The following C10orf53 variants were observed in gnomAD, a reference collection of about 807,000 sequenced individuals.
The protein encoded by C10orf53 is UPF0728 protein C10orf53.
A neutral mutation model predicts 9.4 loss-of-function variants in C10orf53; 8 were observed. The ratio of observed to expected loss-of-function variants is 0.85; its 90% CI spans 0.50 to 1.53. C10orf53 has a LOEUF of 1.53. C10orf53 is among the 40% of genes most tolerant of loss of function. The pLI is 0.00. For missense variants in C10orf53, 117 were observed against 117.8 expected (o/e 0.99, Z 0.03); for synonymous variants, 48 against 46.0 (o/e 1.04, Z -0.18).
intron 1 of C10orf53, among the ~76,000 whole-genome samples, chr10:49,688,281 C>G (rs1425019122): frequency 6.6e-6 from 1 of 152,070 alleles, no homozygotes; most frequent in African/African-American, 2.4e-5. Context: ...TCCTCTTTCC[C>G]TTACACTCCC....
In C10orf53 at chr10:49,696,948, T is replaced by A. The variant is rs866426905; in HGVS notation, c.*2346T>A. Among the ~76,000 whole-genome samples, 1 of 152,190 alleles carries A rather than the reference T, an allele frequency of 6.6e-6. No homozygotes were observed. Among genetic ancestry groups the A allele is most frequent in the Non-Finnish European group, 1.5e-5 (1 of 68,034 alleles). ...GGCTTTTGCCTGTAATCCCAGCACT[T>A]TGGGAATCCAAGGTGGGTGGATTTG... On this transcript the variant is annotated 3_prime_UTR_variant, in exon 3 of 3. Transcript: ENST00000374111.
At position 49,679,751 on chromosome 10, in the gene C10orf53, C is replaced by G; in HGVS notation, c.54C>G (p.Gly18=). ...ILRYGPYSAA[G]LPVEHHTFRL... The stretch of plus-strand genomic sequence containing the variant: ...GCTATGGGCCCTACAGCGCGGCAGG[C>G]CTACCGGTGGAGCACCACACCTTCC... Residue 18 remains glycine, a synonymous_variant, in exon 1 of 3, where the codon GGC becomes GGG. Transcript: ENST00000374111. 4 of 1,546,784 alleles carry G rather than the reference C, an allele frequency of 2.6e-6. No individual in the cohort carries two copies. Among genetic ancestry groups the G allele is most frequent in the Non-Finnish European group, 3.5e-6 (4 of 1,145,788 alleles).
chr10:49,684,372 A>C (rs1160472211), intron 1 of C10orf53, among the ~76,000 whole-genome samples: 1 of 152,218 alleles, frequency 6.6e-6, no homozygotes, highest in African/African-American at 2.4e-5. Context: ...ATTTTAAGAT[A>C]GGTTTTTCCA....
chr10:49,708,709 C>T (rs866442444), exon 3 of C10orf53: 1 of 1,525,758 alleles, frequency 6.6e-7, no homozygotes, highest in East Asian at 2.3e-5. Context: ...GATGCTGAGT[C>T]CCCCAAAACA....
intron 1 of C10orf53, among the ~76,000 whole-genome samples, chr10:49,690,090 G>A (rs947242224): frequency 1.3e-5 from 2 of 152,108 alleles, no homozygotes; most frequent in South Asian, 2.1e-4. Context: ...GTGAGCGGGT[G>A]GAAACACAGC....
intron 1 of C10orf53, among the ~76,000 whole-genome samples, chr10:49,683,705 C>G (rs1272840745): frequency 3.3e-5 from 5 of 151,966 alleles, no homozygotes; most frequent in African/African-American, 4.8e-5. Context: ...CAAAACCAGC[C>G]CTTTTTGTAG....
At chr10:49,689,059 G>A (rs769309644) in intron 1 of C10orf53, among the ~76,000 whole-genome samples, 3 of 152,198 alleles carry the variant, frequency 2.0e-5, no homozygotes, top group Non-Finnish European at 4.4e-5. Context: ...CCAGCCCAGA[G>A]CTGTGCCTGG....
chr10:49,704,594 A>G (rs1010360844), intron 2 of C10orf53, among the ~76,000 whole-genome samples: 1 of 152,070 alleles, frequency 6.6e-6, no homozygotes, highest in African/African-American at 2.4e-5. Flanking sequence ...TACCAAAAAA[A>G]TTAGCTAGGC....
intron 2 of C10orf53, among the ~76,000 whole-genome samples, chr10:49,706,806 T>G (rs1002228117): frequency 6.6e-6 from 1 of 152,236 alleles, no homozygotes; most frequent in African/African-American, 2.4e-5. Flanking sequence ...AAGGCACTGA[T>G]GCAGTGTTTA....
rs1006485192 is a variant in C10orf53 at position 49,703,028 on chromosome 10, C to T, written c.218-5333C>T. Among the ~76,000 whole-genome samples, 7 of 152,112 alleles carry T rather than the reference C, an allele frequency of 4.6e-5. No homozygotes were observed. In the South Asian group the frequency reaches 6.2e-4, roughly 13 times the overall value. On this transcript the variant is annotated intron_variant, in intron 2 of 2. Transcript: ENST00000374112. ...CCTACAAGGACAGTGTACCCCACCC[C>T]GCTCCCTCAAGGGGAGGGGGGTCGC...
chr10:49,679,770 A>G lies in C10orf53; in HGVS notation c.73A>G (p.Thr25Ala). ...SAAGLPVEHHTFRLQGLQAVL... is the reference protein window; with the variant it reads ...SAAGLPVEHHAFRLQGLQAVL... ...GGCAGGCCTACCGGTGGAGCACCAC[A>G]CCTTCCGCCTGCAGGGCCTGCAAGG... The change falls in exon 1 of 3, where the codon ACC (threonine) becomes GCC (alanine). Residue 25 changes from threonine to alanine, a missense_variant. Coordinates refer to ENST00000374111, the MANE Select transcript of C10orf53 (RefSeq NM_001042427.3). 1.3e-6 allele frequency: 2 copies of G among 1,543,342 alleles called. No individual in the cohort carries two copies. Among genetic ancestry groups the G allele is most frequent in the South Asian group, 2.4e-5 (2 of 83,400 alleles).
intron 1 of C10orf53, among the ~76,000 whole-genome samples, chr10:49,685,036 A>T (rs1379031353): frequency 6.6e-6 from 1 of 152,212 alleles, no homozygotes; most frequent in East Asian, 1.9e-4. Context: ...CCAAGACTGC[A>T]ACATAGAAAC....
At chr10:49,707,950 G>A (rs1358766169) in intron 2 of C10orf53, among the ~76,000 whole-genome samples, 1 of 151,610 alleles carries the variant, frequency 6.6e-6, no homozygotes, top group Non-Finnish European at 1.5e-5. Flanking sequence ...ACAAACATTA[G>A]TGCTTTATAA....
chr10:49,706,550 G>T (rs1590650463), intron 2 of C10orf53, among the ~76,000 whole-genome samples: 1 of 152,172 alleles, frequency 6.6e-6, no homozygotes, highest in East Asian at 1.9e-4. Context: ...TGGATTAGTG[G>T]TTGCACAGCA....
At position 49,694,926 on chromosome 10, in the gene C10orf53, A is replaced by G. The variant is rs1840620684; in HGVS notation, c.*324A>G. 1 of 1,092,826 alleles carries G rather than the reference A, an allele frequency of 9.2e-7. No homozygotes were observed. The highest frequency in any genetic ancestry group is 1.1e-6 in the Non-Finnish European group (1 of 898,220). 67.7% of individuals were successfully genotyped at this position (1,092,826 alleles called of 1,614,324 possible). The stretch of plus-strand genomic sequence containing the variant: ...AACAAGGTGCCATTCCTGACTAATA[A>G]CACATAGTTGCCAGAAGCATCTGAG... On this transcript the variant is annotated 3_prime_UTR_variant, in exon 3 of 3. Transcript: ENST00000374111.
chr10:49,691,671 G>T (rs1417304830), intron 1 of C10orf53, among the ~76,000 whole-genome samples: 1 of 152,190 alleles, frequency 6.6e-6, no homozygotes, highest in Admixed American at 6.5e-5. Flanking sequence ...TCCTGTTTCT[G>T]AGCTACACCA....
rs186713189 is a variant in C10orf53, at chr10:49,696,635, C to T, written c.*2033C>T. ...ACAGTACACGGATTCTAAGAAATAC[C>T]GGAGAAGCTTCTGGGAGATGCCTGT... On this transcript the variant is annotated 3_prime_UTR_variant, in exon 3 of 3. Coordinates refer to ENST00000374111, the MANE Select transcript of C10orf53 (RefSeq NM_001042427.3). 1.3e-5 allele frequency among the ~76,000 whole-genome samples: 2 copies of T among 152,220 alleles called. No individual in the cohort carries two copies. The highest frequency in any genetic ancestry group is 1.3e-4 in the Admixed American group (2 of 15,290).
At chr10:49,698,923 G>A (rs1231158660), downstream of C10orf53, among the ~76,000 whole-genome samples, 4 of 152,134 alleles carry the variant, frequency 2.6e-5, no homozygotes, top group South Asian at 4.1e-4. Context: ...TGCCAGGGAC[G>A]TGGGGAGCAG....
At chr10:49,701,244 G>A (rs1258327), downstream of C10orf53, among the ~76,000 whole-genome samples, 128,114 of 151,914 alleles carry the variant, frequency 0.84, 55,577 homozygotes, top group East Asian at 0.97. Flanking sequence ...GTTTCAGCTC[G>A]TTCAATCTGC....
Sources: gnomAD v4.1 joint callset for allele counts (sites outside exome capture counted in the v4.1 genomes callset) on GRCh38, gnomAD v4.1.1 for gene constraint, MANE v1.5 for transcripts, NCBI Gene and HGNC (gene_info 2026-07-23, HGNC 2026-07-21) for gene names.